SKA2: variants seen among roughly 807,000 people sequenced by gnomAD.
SKA2 encodes spindle and kinetochore associated complex subunit 2, also known as spindle and kinetochore-associated protein 2.
In SKA2, 13 loss-of-function variants were observed where a neutral mutation model predicts 16.9. That is an observed-to-expected ratio of 0.77 (90% CI 0.50 to 1.22). The LOEUF is 1.22. Among genes scored for constraint, SKA2 ranks in the 50% most tolerant of loss-of-function variants. The probability of loss-of-function intolerance (pLI) is 0.00; values close to 1 mark genes in which losing one functional copy is unlikely to be tolerated. For missense variants in SKA2, 107 were observed against 139.7 expected (o/e 0.77, Z 1.18); for synonymous variants, 47 against 48.5 (o/e 0.97, Z 0.13).
chr17:59,142,659 G>C (rs1257576962), intron 1 of SKA2, among the ~76,000 whole-genome samples: 5 of 151,388 alleles, frequency 3.3e-5, no homozygotes, highest in Admixed American at 3.3e-4. Flanking sequence ...GGGTGCAGTG[G>C]CTCATGCCAG....
chr17:59,134,941 C>G (rs1388509736), intron 1 of SKA2, among the ~76,000 whole-genome samples: 1 of 151,944 alleles, frequency 6.6e-6, no homozygotes, highest in Non-Finnish European at 1.5e-5. Context: ...CTCAACAGAT[C>G]CTCCCACTTC....
intron 1 of SKA2, among the ~76,000 whole-genome samples, chr17:59,146,427 AG>A (rs1476945009): frequency 6.6e-6 from 1 of 152,156 alleles, no homozygotes; most frequent in African/African-American, 2.4e-5. Flanking sequence ...TGAACCCAGG[AG>A]GCGGAGGTTG....
intron 2 of SKA2, among the ~76,000 whole-genome samples, chr17:59,128,582 T>C (rs1395191304): frequency 6.8e-6 from 1 of 146,758 alleles, no homozygotes; most frequent in African/African-American, 2.5e-5. Context: ...GCAGAGATAG[T>C]GCCACTTCAC....
chr17:59,130,457 CAAAAA>C (rs569934567), intron 2 of SKA2, among the ~76,000 whole-genome samples: 4 of 70,394 alleles, frequency 5.7e-5, no homozygotes, highest in Admixed American at 1.8e-4. Flanking sequence ...ACTAAAAATA[CAAAAA>C]AAAAAAAAAA....
chr17:59,117,858 A>G (rs1172326268), intron 3 of SKA2: 4 of 152,206 alleles, frequency 2.6e-5, no homozygotes, highest in Non-Finnish European at 5.9e-5. Flanking sequence ...CTTGTTTGCC[A>G]TAACTTGATC....
intron 3 of SKA2, among the ~76,000 whole-genome samples, chr17:59,114,655 T>G (rs1028443168): frequency 6.6e-6 from 1 of 152,116 alleles, no homozygotes; most frequent in African/African-American, 2.4e-5. Flanking sequence ...TAACAGATAC[T>G]GAGAAAGAAA....
At chr17:59,137,602 C>A (rs2046455306) in intron 1 of SKA2, among the ~76,000 whole-genome samples, 1 of 152,142 alleles carries the variant, frequency 6.6e-6, no homozygotes, top group Non-Finnish European at 1.5e-5. Flanking sequence ...CTTTATACTA[C>A]AAATAAACCC....
chr17:59,138,711 C>A (rs1285698280), intron 1 of SKA2, among the ~76,000 whole-genome samples: 1 of 152,202 alleles, frequency 6.6e-6, no homozygotes, highest in South Asian at 2.1e-4. Flanking sequence ...GGATTACAGG[C>A]ATGAGCCACC....
intron 2 of SKA2, among the ~76,000 whole-genome samples, chr17:59,123,610 C>T (rs1205243693): frequency 6.6e-6 from 1 of 151,652 alleles, no homozygotes; most frequent in East Asian, 1.9e-4. Flanking sequence ...GGCTGGAGTG[C>T]AGTGGTGCAA....
At chr17:59,126,725 AAC>A (rs775872917) in intron 2 of SKA2, among the ~76,000 whole-genome samples, 3 of 152,214 alleles carry the variant, frequency 2.0e-5, no homozygotes, top group Admixed American at 6.5e-5. Flanking sequence ...CAAAAATTGA[AAC>A]ACAGAATTAC....
At chr17:59,129,352 CACACAT>C (rs1702126266) in intron 2 of SKA2, 1 of 112,002 alleles carries the variant, frequency 8.9e-6, no homozygotes, top group African/African-American at 3.4e-5. Flanking sequence ...CTATCTTAAA[CACACAT>C]ACACACACAC....
Position 59,111,947 on chromosome 17 carries a change from T to C in SKA2, c.*330A>G, listed in dbSNP as rs1280638518. ...TTATGATAGACCAGAACATCTATAT[T>C]ATCATGACTTAGAAAAAGAAAACAG... On this transcript the variant is annotated 3_prime_UTR_variant, in exon 4 of 4. Coordinates refer to ENST00000330137, the MANE Select transcript of SKA2 (RefSeq NM_182620.4). 4.3e-6 allele frequency: 1 copy of C among 232,114 alleles called. No individual in the cohort carries two copies. Among genetic ancestry groups the C allele is most frequent in the Non-Finnish European group, 8.9e-6 (1 of 112,412 alleles). 14.4% of individuals were successfully genotyped at this position (232,114 alleles called of 1,614,324 possible).
chr17:59,152,371 G>C (rs1239424328), intron 1 of SKA2, among the ~76,000 whole-genome samples: 1 of 152,158 alleles, frequency 6.6e-6, no homozygotes, highest in Non-Finnish European at 1.5e-5. Context: ...ACAAAGGACA[G>C]CTGAAATATA....
intron 2 of SKA2, among the ~76,000 whole-genome samples, chr17:59,128,782 G>A (rs1004355440): frequency 6.6e-6 from 1 of 152,138 alleles, no homozygotes; most frequent in Non-Finnish European, 1.5e-5. Flanking sequence ...GGGAAGGGTG[G>A]TAGGGAGTAG....
chr17:59,120,033 G>A (rs533368137), intron 2 of SKA2, among the ~76,000 whole-genome samples: 6 of 151,398 alleles, frequency 4.0e-5, no homozygotes, highest in East Asian at 2.0e-4. Flanking sequence ...CTCAGCCTCC[G>A]GAGTAGCTGG....
chr17:59,154,462 C>T (rs975357470), intron 1 of SKA2, among the ~76,000 whole-genome samples: 6 of 152,216 alleles, frequency 3.9e-5, no homozygotes, highest in South Asian at 2.1e-4. Context: ...AAGTGCACAA[C>T]TCCAGAGCAG....
intron 3 of SKA2, among the ~76,000 whole-genome samples, chr17:59,116,348 C>T (rs2046295798): frequency 6.6e-6 from 1 of 152,046 alleles, no homozygotes; most frequent in Non-Finnish European, 1.5e-5. Context: ...ACCCCAGCCT[C>T]GGCGACAGAG....
Position 59,119,339 on chromosome 17 carries a change from G to C in SKA2, c.277C>G (p.Gln93Glu), listed in dbSNP as rs569990001. ...KKTMNMIQKL[Q>E]KQTDLELSPL... ...ATTACCTCCAGGTCTGTTTGCTTCT[G>C]TAGTTTTTGTATCATATTCATAGTC... The change falls in exon 3 of 4, where the codon CAG (glutamine) becomes GAG (glutamate). Residue 93 changes from glutamine to glutamate, a missense_variant. By Grantham distance (29) the Gln-to-Glu change is conservative. Coordinates refer to ENST00000330137, the MANE Select transcript of SKA2 (RefSeq NM_182620.4). The C allele has an allele frequency of 1.9e-6, 3 of 1,613,884 alleles. No homozygotes were observed. The East Asian group carries it at 6.7e-5, about 36-fold the overall frequency.
intron 1 of SKA2, among the ~76,000 whole-genome samples, chr17:59,140,836 G>C (rs1176122618): frequency 4.1e-5 from 6 of 147,030 alleles, no homozygotes; most frequent in Non-Finnish European, 9.0e-5. Flanking sequence ...TATTAGCTAG[G>C]ATGACCTCAA....
Sources: gnomAD v4.1 joint callset for allele counts (sites outside exome capture counted in the v4.1 genomes callset) on GRCh38, gnomAD v4.1.1 for gene constraint, MANE v1.5 for transcripts, NCBI Gene and HGNC (gene_info 2026-07-23, HGNC 2026-07-21) for gene names.